Variants in UGT2A1 observed in about 807,000 individuals in gnomAD.
UGT2A1 encodes UDP glucuronosyltransferase family 2 member A1 complex locus.
UGT2A1 carries 61 observed loss-of-function variants against 45.4 expected under a neutral mutation model. The observed-to-expected ratio is 1.34, with a 90% confidence interval of 1.09 to 1.66. The LOEUF (loss-of-function observed/expected upper bound fraction) is 1.66, where lower values mean the gene tolerates loss of function less well. Ranked by LOEUF, UGT2A1 falls within the 40% of genes most tolerant of loss-of-function variation. The pLI, the probability that UGT2A1 is intolerant of heterozygous loss-of-function variation, is 0.00. For synonymous variants in UGT2A1, 229 were observed against 196.2 expected (o/e 1.17, Z -1.40); for missense variants, 649 against 574.3 (o/e 1.13, Z -1.33).
intron 3 of UGT2A1, among the ~76,000 whole-genome samples, chr4:69,614,926 G>A (rs566909570): frequency 7.9e-5 from 12 of 152,178 alleles, no homozygotes; most frequent in Admixed American, 5.9e-4. Context: ...AATTGTGGTG[G>A]AAGGGCAATG....
chr4:69,612,158 C>T (rs1720099896), intron 3 of UGT2A1, among the ~76,000 whole-genome samples: 1 of 151,894 alleles, frequency 6.6e-6, no homozygotes, highest in African/African-American at 2.4e-5. Flanking sequence ...AGAAACAAGA[C>T]TTCATGTATG....
chr4:69,629,648 C>A lies in UGT2A1; in HGVS notation c.847+6043G>T, dbSNP rs1176072352. On this transcript the variant is annotated intron_variant, in intron 3 of 6. Coordinates refer to ENST00000286604, the MANE Select transcript of UGT2A1 (RefSeq NM_001252275.3). ...AGTTGATAAAACTGCATCCCGTCAC[C>A]ACATATCATTTCTAGGAATATTAAA... Among the ~76,000 whole-genome samples the A allele has an allele frequency of 3.3e-5, 5 of 152,010 alleles. No individual in the cohort carries two copies. In the East Asian group the frequency reaches 9.7e-4, roughly 29 times the overall value.
intron 3 of UGT2A1, among the ~76,000 whole-genome samples, chr4:69,625,535 C>A (rs1053651490): frequency 6.6e-6 from 1 of 151,140 alleles, no homozygotes. Flanking sequence ...TGTGTCCAAT[C>A]TATTAATACT....
At chr4:69,636,244 ATGT>A (rs1721704783) in intron 2 of UGT2A1, among the ~76,000 whole-genome samples, 1 of 152,180 alleles carries the variant, frequency 6.6e-6, no homozygotes, top group African/African-American at 2.4e-5. Flanking sequence ...AAAATTTGAC[ATGT>A]TGTTAGCTCT....
At chr4:69,600,835 A>G (rs1207739929) in intron 3 of UGT2A1, among the ~76,000 whole-genome samples, 4 of 151,880 alleles carry the variant, frequency 2.6e-5, no homozygotes, top group Admixed American at 2.6e-4. Context: ...TCTCGTGATA[A>G]CTCACTCACT....
At chr4:69,606,846 C>T (rs1297902419) in intron 3 of UGT2A1, among the ~76,000 whole-genome samples, 2 of 136,136 alleles carry the variant, frequency 1.5e-5, no homozygotes, top group African/African-American at 3.0e-5. Context: ...AATAAAATAC[C>T]TAGGAATCCA....
intron 3 of UGT2A1, among the ~76,000 whole-genome samples, chr4:69,617,199 C>A (rs1445140681): frequency 6.6e-6 from 1 of 151,888 alleles, no homozygotes; most frequent in African/African-American, 2.4e-5. Context: ...TTGGCAGTTG[C>A]TAAATGTAGT....
intron 5 of UGT2A1, 118 bp downstream of exon 5, chr4:69,595,044 A>C: frequency 7.3e-7 from 1 of 1,372,136 alleles, no homozygotes; most frequent in South Asian, 1.3e-5. Context: ...CTGCTTTAAA[A>C]TTGAGTGTCA....
At chr4:69,635,849 A>AAAAAAAAAAAAAAAAAGAG (rs772370302) in intron 2 of UGT2A1, 27 bp from the exon 3 acceptor site, 2 of 118,514 alleles carry the variant, frequency 1.7e-5, no homozygotes, top group Admixed American at 8.6e-5. Flanking sequence ...AAAAAAAAAA[A>AAAAAAAAAAAAAAAAAGAG]AGAGAGAGAG....
At chr4:69,596,768 T>A (rs535481712) in intron 4 of UGT2A1, among the ~76,000 whole-genome samples, 4 of 152,310 alleles carry the variant, frequency 2.6e-5, no homozygotes, top group African/African-American at 9.6e-5. Context: ...GTGATCCACC[T>A]GCCTTGGTCT....
At chr4:69,641,828 A>G (rs1265731298) in intron 2 of UGT2A1, among the ~76,000 whole-genome samples, 4 of 151,812 alleles carry the variant, frequency 2.6e-5, no homozygotes, top group East Asian at 1.9e-4. Flanking sequence ...GACATAATGC[A>G]GGTAAATGAT....
intron 6 of UGT2A1, among the ~76,000 whole-genome samples, chr4:69,590,423 T>C (rs1352357963): frequency 1.3e-5 from 2 of 152,222 alleles, no homozygotes; most frequent in African/African-American, 4.8e-5. Flanking sequence ...TTTCCCTAGT[T>C]GTTAAACCAA....
At chr4:69,609,079 TGAGAA>T (rs1560476315) in intron 3 of UGT2A1, among the ~76,000 whole-genome samples, 1 of 151,906 alleles carries the variant, frequency 6.6e-6, no homozygotes, top group Admixed American at 6.6e-5. Context: ...TAAAAGATAA[TGAGAA>T]AACCATCATA....
intron 3 of UGT2A1, among the ~76,000 whole-genome samples, chr4:69,620,184 A>C (rs539730372): frequency 6.6e-6 from 1 of 152,134 alleles, no homozygotes; most frequent in East Asian, 1.9e-4. Flanking sequence ...GAAGAGAGAA[A>C]GTCAAACTTT....
intron 1 of UGT2A1, among the ~76,000 whole-genome samples, chr4:69,650,929 C>T (rs1476384130): frequency 6.6e-6 from 1 of 152,120 alleles, no homozygotes; most frequent in African/African-American, 2.4e-5. Flanking sequence ...GTATAGGCTA[C>T]CTGGATGTGC....
In UGT2A1 at chr4:69,630,377, C is replaced by T. The variant is rs1022841304; in HGVS notation, c.847+5314G>A. Among the ~76,000 whole-genome samples, 7 of 152,098 alleles carry T rather than the reference C, an allele frequency of 4.6e-5. No homozygotes were observed. The South Asian group carries it at 6.2e-4, about 14-fold the overall frequency. Reference sequence around the variant, plus strand: ...ATAACTCCCCATTCCCACCTCTTCCCGGTTACACTCTTATCCTGACTATGT... The same window carrying T: ...ATAACTCCCCATTCCCACCTCTTCCTGGTTACACTCTTATCCTGACTATGT... On this transcript the variant is annotated intron_variant, in intron 3 of 6. Coordinates refer to ENST00000286604, the MANE Select transcript of UGT2A1 (RefSeq NM_001252275.3).
chr4:69,592,889 G>A (rs1279318290), intron 6 of UGT2A1, among the ~76,000 whole-genome samples: 1 of 151,996 alleles, frequency 6.6e-6, no homozygotes, highest in Non-Finnish European at 1.5e-5. Context: ...CAGTATAATT[G>A]AAGAAAAATA....
intron 3 of UGT2A1, among the ~76,000 whole-genome samples, chr4:69,611,750 A>G (rs1239350821): frequency 1.3e-5 from 2 of 152,152 alleles, no homozygotes. Context: ...AAAACAAAGT[A>G]AAAACATGAA....
rs1246310577 is a variant in UGT2A1 at position 69,622,101 on chromosome 4, C to CCCTGTGTACCATATTA, written c.847+13589_847+13590insTAATATGGTACACAGG. Among the ~76,000 whole-genome samples the CCCTGTGTACCATATTA allele has an allele frequency of 4.0e-5, 6 of 151,776 alleles. No homozygotes were observed. In the East Asian group the frequency reaches 7.7e-4, roughly 20 times the overall value. Reference sequence around the variant, plus strand: ...TCATGGAATAGTCAGTACAACCAACCCCTGTGTACCACATTACCTGTGTAA... The same window carrying CCCTGTGTACCATATTA: ...TCATGGAATAGTCAGTACAACCAACCCCTGTGTACCATATTACCTGTGTACCACATTACCTGTGTAA... On this transcript the variant is annotated intron_variant, in intron 3 of 6. Transcript: ENST00000286604.
Sources: allele counts gnomAD v4.1 joint callset (sites outside exome capture counted in the v4.1 genomes callset), GRCh38; gene constraint gnomAD v4.1.1; transcripts MANE v1.5; gene names NCBI Gene and HGNC (gene_info 2026-07-23, HGNC 2026-07-21).